CCDC171: variants seen among roughly 807,000 people sequenced by gnomAD.
CCDC171 encodes coiled-coil domain containing 171, also known as coiled-coil domain-containing protein 171.
In CCDC171, 177 loss-of-function variants were observed where a neutral mutation model predicts 168.2. The ratio of observed to expected loss-of-function variants is 1.05; its 90% CI spans 0.93 to 1.19. The LOEUF is 1.19. CCDC171 is among the 50% of genes most tolerant of loss of function. The pLI, the probability that CCDC171 is intolerant of heterozygous loss-of-function variation, is 0.00. For missense variants in CCDC171, 1,991 were observed against 1,539.0 expected (o/e 1.29, Z -4.91); for synonymous variants, 687 against 540.8 (o/e 1.27, Z -3.75).
At chr9:15,989,583 C>T (rs1356471983) in intron 3 of CCDC171, among the ~76,000 whole-genome samples, 1 of 152,082 alleles carries the variant, frequency 6.6e-6, no homozygotes, top group Non-Finnish European at 1.5e-5. Flanking sequence ...TGGAGAATGA[C>T]TTTGACGAGT....
chr9:15,558,021 T>G (rs2038955939), intron 1 of CCDC171, among the ~76,000 whole-genome samples: 2 of 152,178 alleles, frequency 1.3e-5, no homozygotes, highest in African/African-American at 4.8e-5. Context: ...ATTGGTTCTG[T>G]TTATGTGATG....
intron 24 of CCDC171, among the ~76,000 whole-genome samples, chr9:15,913,277 A>G (rs1823985232): frequency 6.6e-6 from 1 of 152,112 alleles, no homozygotes; most frequent in Non-Finnish European, 1.5e-5. Flanking sequence ...GTGTCCAGGA[A>G]TTTATCCATG....
At chr9:15,859,759 A>G (rs1347140532) in intron 23 of CCDC171, among the ~76,000 whole-genome samples, 2 of 151,820 alleles carry the variant, frequency 1.3e-5, no homozygotes, top group South Asian at 4.2e-4. Flanking sequence ...CCCTGGGCTC[A>G]AGAGATCCTC....
At chr9:15,669,570 C>G (rs1036340008) in intron 9 of CCDC171, among the ~76,000 whole-genome samples, 4 of 152,112 alleles carry the variant, frequency 2.6e-5, no homozygotes, top group African/African-American at 9.7e-5. Context: ...AGATCCTGTT[C>G]CTTCCATCTA....
At chr9:16,019,151 T>C (rs1833100274) in intron 3 of CCDC171, among the ~76,000 whole-genome samples, 1 of 152,184 alleles carries the variant, frequency 6.6e-6, no homozygotes, top group African/African-American at 2.4e-5. Flanking sequence ...TTTTATGAAA[T>C]TGTCAATGGA....
At chr9:16,004,916 G>A (rs533545862) in intron 3 of CCDC171, among the ~76,000 whole-genome samples, 15 of 152,116 alleles carry the variant, frequency 9.9e-5, no homozygotes, top group African/African-American at 3.6e-4. Context: ...ATGTCCAATT[G>A]CATCTAAAGT....
intron 21 of CCDC171, among the ~76,000 whole-genome samples, chr9:15,837,364 A>G (rs900869453): frequency 1.3e-5 from 2 of 152,202 alleles, no homozygotes; most frequent in Non-Finnish European, 2.9e-5. Context: ...TGTAAATTAT[A>G]CTAATTTTAT....
At chr9:15,905,445 G>A (rs1822421904) in intron 24 of CCDC171, among the ~76,000 whole-genome samples, 1 of 152,030 alleles carries the variant, frequency 6.6e-6, no homozygotes, top group Non-Finnish European at 1.5e-5. Context: ...TGAAATGAGG[G>A]CAGAAATAAA....
At chr9:15,768,801 G>T (rs1029631728) in intron 18 of CCDC171, among the ~76,000 whole-genome samples, 1 of 152,012 alleles carries the variant, frequency 6.6e-6, no homozygotes, top group African/African-American at 2.4e-5. Context: ...TCATTTCATG[G>T]GGTTATAATG....
At chr9:15,835,305 T>A (rs2060395745) in intron 21 of CCDC171, among the ~76,000 whole-genome samples, 1 of 152,226 alleles carries the variant, frequency 6.6e-6, no homozygotes, top group Non-Finnish European at 1.5e-5. Context: ...GTTATATAAC[T>A]GAGCAATTTC....
At chr9:15,825,222 T>C (rs191490288) in intron 21 of CCDC171, among the ~76,000 whole-genome samples, 12 of 152,226 alleles carry the variant, frequency 7.9e-5, no homozygotes, top group Non-Finnish European at 1.6e-4. Flanking sequence ...TCTCCTGCAT[T>C]AAAGACACCA....
intron 3 of CCDC171, among the ~76,000 whole-genome samples, chr9:15,984,560 A>C (rs900114462): frequency 6.6e-6 from 1 of 152,150 alleles, no homozygotes; most frequent in African/African-American, 2.4e-5. Flanking sequence ...AGAGAGCTAG[A>C]GTAAGATTTC....
chr9:15,734,853 T>C (rs2054385848), intron 16 of CCDC171, among the ~76,000 whole-genome samples: 1 of 152,200 alleles, frequency 6.6e-6, no homozygotes, highest in Non-Finnish European at 1.5e-5. Flanking sequence ...GCAGTTGTTA[T>C]ATAGGATTGT....
At chr9:16,068,070 C>T in the CCDC171 span, among the ~76,000 whole-genome samples, 6 of 149,888 alleles carry the variant, frequency 4.0e-5, no homozygotes, top group Non-Finnish European at 7.4e-5. Context: ...ATTGTCTCAG[C>T]CCAAAATCTC....
the CCDC171 span, among the ~76,000 whole-genome samples, chr9:16,091,879 T>G: frequency 1.3e-5 from 2 of 152,182 alleles, no homozygotes. Context: ...ATATCTTTTT[T>G]AAAATTACGA....
rs1407061260 is a variant in CCDC171, at chr9:15,784,646, C to G, written c.3219C>G (p.His1073Gln). Reference sequence around the variant, plus strand: ...AATTGAATTATAAACTTGAATTGCACTCCAGTGAGGAAGCTGACAAAAACC... The same window carrying G: ...AATTGAATTATAAACTTGAATTGCAGTCCAGTGAGGAAGCTGACAAAAACC... ...LQELNYKLEL[H>Q]SSEEADKNQT... Residue 1073 changes from histidine (H) to glutamine (Q), a missense_variant, in exon 21 of 26, where the codon CAC (histidine) becomes CAG (glutamine). Transcript: ENST00000380701. 5 of 1,613,282 alleles carry G rather than the reference C, an allele frequency of 3.1e-6. No individual in the cohort carries two copies. The highest frequency in any genetic ancestry group is 1.7e-5 in the Admixed American group (1 of 59,958).
chr9:16,005,287 G>A (rs9407712), intron 3 of CCDC171, among the ~76,000 whole-genome samples: 50,415 of 152,062 alleles, frequency 0.33, 8,636 homozygotes, highest in Non-Finnish European at 0.36. Context: ...ACATAGCATA[G>A]TGTTTTCAAG....
At chr9:15,863,766 G>A (rs1180103896) in intron 23 of CCDC171, among the ~76,000 whole-genome samples, 1 of 151,996 alleles carries the variant, frequency 6.6e-6, no homozygotes, top group Admixed American at 6.6e-5. Context: ...TATTGGAAAT[G>A]AGCTATACTT....
intron 25 of CCDC171, among the ~76,000 whole-genome samples, chr9:15,967,521 A>G (rs1167188838): frequency 2.0e-5 from 3 of 152,176 alleles, no homozygotes; most frequent in Non-Finnish European, 4.4e-5. Flanking sequence ...TATATTCAGG[A>G]AACTGATTTC....
Sources: gnomAD v4.1 joint callset for allele counts (sites outside exome capture counted in the v4.1 genomes callset) on GRCh38, gnomAD v4.1.1 for gene constraint, MANE v1.5 for transcripts, NCBI Gene and HGNC (gene_info 2026-07-23, HGNC 2026-07-21) for gene names.